The following GMDS variants were observed in gnomAD, a reference collection of about 807,000 sequenced individuals.
GMDS encodes GDP-mannose 4,6 dehydratase.
In GMDS, 20 loss-of-function variants were observed where a neutral mutation model predicts 49.9. That is an observed-to-expected ratio of 0.40 (90% CI 0.28 to 0.58). The LOEUF (loss-of-function observed/expected upper bound fraction) is 0.58. GMDS is among the 20% of genes least tolerant of loss of function. The probability of loss-of-function intolerance (pLI) is 0.42; values close to 1 mark genes in which losing one functional copy is unlikely to be tolerated. For missense variants in GMDS, 362 were observed against 481.4 expected, an observed-to-expected ratio of 0.75 and a Z score of 2.32; for synonymous variants, 177 against 178.6, an observed-to-expected ratio of 0.99 and a Z score of 0.07.
At chr6:1,834,234 A>G (rs1756819692) in intron 7 of GMDS, among the ~76,000 whole-genome samples, 1 of 152,224 alleles carries the variant, frequency 6.6e-6, no homozygotes, top group Non-Finnish European at 1.5e-5. Flanking sequence ...AAGATTTAAA[A>G]ATATTTAAAT....
intron 4 of GMDS, among the ~76,000 whole-genome samples, chr6:1,999,734 T>C (rs962457764): frequency 2.0e-5 from 3 of 149,234 alleles, no homozygotes; most frequent in African/African-American, 7.4e-5. Context: ...AAGGGTAATA[T>C]GCTGTGAAAG....
chr6:2,186,598 G>C (rs1778789951), intron 1 of GMDS, among the ~76,000 whole-genome samples: 1 of 152,136 alleles, frequency 6.6e-6, no homozygotes, highest in Admixed American at 6.6e-5. Context: ...GTCCCTTCCA[G>C]CTGCCTTCAA....
intron 1 of GMDS, among the ~76,000 whole-genome samples, chr6:2,137,708 G>A (rs1288739198): frequency 6.6e-6 from 1 of 152,178 alleles, no homozygotes; most frequent in East Asian, 1.9e-4. Flanking sequence ...TCTTTGGTTG[G>A]AGTAAATATT....
chr6:2,004,613 A>G (rs997236229), intron 4 of GMDS, among the ~76,000 whole-genome samples: 4 of 152,184 alleles, frequency 2.6e-5, no homozygotes, highest in Admixed American at 2.6e-4. Flanking sequence ...GCTTGGCTCA[A>G]TATTCTTACT....
chr6:1,739,473 A>G (rs1323138786), intron 8 of GMDS, among the ~76,000 whole-genome samples: 2 of 152,172 alleles, frequency 1.3e-5, no homozygotes, highest in Non-Finnish European at 2.9e-5. Context: ...GCTATAGGGG[A>G]AGACCCTGCT....
At position 2,217,842 on chromosome 6, in the gene GMDS, T is replaced by C. The variant is rs529847840; in HGVS notation, c.102+27479A>G. The stretch of plus-strand genomic sequence containing the variant: ...AACTGAGTTAACTGGAGCCAAAGCC[T>C]ACCAAGAAACAGCCCTACACATCCT... On this transcript the variant is annotated intron_variant, in intron 1 of 10. Transcript: ENST00000380815. Among the ~76,000 whole-genome samples the C allele has an allele frequency of 5.3e-5, 8 of 152,192 alleles. No individual in the cohort carries two copies. The South Asian group carries it at 8.3e-4, about 16-fold the overall frequency.
At chr6:2,201,331 C>A (rs947746141) in intron 1 of GMDS, among the ~76,000 whole-genome samples, 2 of 135,936 alleles carry the variant, frequency 1.5e-5, no homozygotes, top group Admixed American at 7.4e-5. Context: ...GCAGTGAGGG[C>A]AGCATGTTAG....
intron 4 of GMDS, among the ~76,000 whole-genome samples, chr6:2,008,561 A>T (rs1370261613): frequency 6.6e-6 from 1 of 152,172 alleles, no homozygotes; most frequent in Non-Finnish European, 1.5e-5. Context: ...AAGCTTGTTG[A>T]TGACTGATAG....
Position 1,764,565 on chromosome 6 carries a change from C to T in GMDS, c.772-21979G>A, listed in dbSNP as rs545014488. On this transcript the variant is annotated intron_variant, in intron 7 of 10. Transcript: ENST00000380815. ...TATGTTAAAAGCACTCTGTGATCTA[C>T]AAAATGTTATTGCTGTTATAAATGA... Among the ~76,000 whole-genome samples, 7 of 152,240 alleles carry T rather than the reference C, an allele frequency of 4.6e-5. No homozygotes were observed. The South Asian group carries it at 1.2e-3, about 27-fold the overall frequency.
At chr6:1,941,975 G>A (rs1440548645) in intron 6 of GMDS, among the ~76,000 whole-genome samples, 1 of 152,032 alleles carries the variant, frequency 6.6e-6, no homozygotes, top group Non-Finnish European at 1.5e-5. Context: ...CTGCTCCTAC[G>A]CCGTGAACTG....
chr6:2,112,735 A>T (rs1053024893), intron 4 of GMDS, among the ~76,000 whole-genome samples: 11 of 152,118 alleles, frequency 7.2e-5, no homozygotes, highest in Admixed American at 4.6e-4. Context: ...AAAACGTCAC[A>T]AATCCTCGCT....
chr6:2,235,351 C>T (rs75455586), intron 1 of GMDS, among the ~76,000 whole-genome samples: 1,618 of 152,264 alleles, frequency 0.011, 21 homozygotes, highest in Non-Finnish European at 0.016. Flanking sequence ...CTATACTTCC[C>T]ATGCCTATAC....
intron 7 of GMDS, among the ~76,000 whole-genome samples, chr6:1,770,175 A>C (rs1768522568): frequency 6.6e-6 from 1 of 152,242 alleles, no homozygotes; most frequent in Non-Finnish European, 1.5e-5. Context: ...ATGAAAAATG[A>C]GGATATCTTC....
intron 9 of GMDS, among the ~76,000 whole-genome samples, chr6:1,695,321 A>G (rs1765301465): frequency 6.6e-6 from 1 of 152,214 alleles, no homozygotes; most frequent in Non-Finnish European, 1.5e-5. Context: ...GAACCAATGA[A>G]TAGCATTGAA....
chr6:2,150,773 G>T (rs1383465968), intron 1 of GMDS, among the ~76,000 whole-genome samples: 1 of 152,100 alleles, frequency 6.6e-6, no homozygotes, highest in Non-Finnish European at 1.5e-5. Context: ...AAATTTAAAA[G>T]TGCTTAGGCT....
chr6:2,240,705 G>A (rs988919387), intron 1 of GMDS, among the ~76,000 whole-genome samples: 6 of 152,012 alleles, frequency 3.9e-5, no homozygotes, highest in Admixed American at 1.3e-4. Flanking sequence ...ACTTTGAACG[G>A]TACCTGGCAC....
At chr6:2,198,584 A>G (rs149875768) in intron 1 of GMDS, among the ~76,000 whole-genome samples, 1 of 152,292 alleles carries the variant, frequency 6.6e-6, no homozygotes, top group South Asian at 2.1e-4. Context: ...CAAGAGAATT[A>G]AGCAATAAAG....
At chr6:2,064,898 C>T (rs1771447170) in intron 4 of GMDS, among the ~76,000 whole-genome samples, 1 of 152,112 alleles carries the variant, frequency 6.6e-6, no homozygotes, top group Non-Finnish European at 1.5e-5. Flanking sequence ...CCCAATAGTA[C>T]TGTTATGGAT....
At position 2,245,430 on chromosome 6, in the gene GMDS, G is replaced by GGCGGGCGT; in HGVS notation, c.-16_-9dup. On this transcript the variant is annotated 5_prime_UTR_variant, in exon 1 of 11. Transcript: ENST00000380815. ...TGCCGGTGCGTGTGCCATGTCCCGC[G>GGCGGGCGT]GCGGGCGTGCGGTCGGCGGCAGGGC... 3 of 1,466,740 alleles carry GGCGGGCGT rather than the reference G, an allele frequency of 2.0e-6. No individual in the cohort carries two copies. Among genetic ancestry groups the GGCGGGCGT allele is most frequent in the Admixed American group, 2.5e-5 (1 of 39,750 alleles). 90.9% of individuals were successfully genotyped at this position (1,466,740 alleles called of 1,614,324 possible). A position where few individuals can be genotyped will look rare whatever the true frequency, so the allele number is the denominator to read the frequency against.
Sources: gnomAD v4.1 joint callset for allele counts (sites outside exome capture counted in the v4.1 genomes callset) on GRCh38, gnomAD v4.1.1 for gene constraint, MANE v1.5 for transcripts, NCBI Gene and HGNC (gene_info 2026-07-23, HGNC 2026-07-21) for gene names.